ZFHX3: variants seen among roughly 807,000 people sequenced by gnomAD.
ZFHX3 encodes the protein zinc finger homeobox 3.
In ZFHX3, 42 loss-of-function variants were observed where a neutral mutation model predicts 279.1. The ratio of observed to expected loss-of-function variants is 0.15; its 90% CI spans 0.12 to 0.19. The LOEUF is 0.19. ZFHX3 is among the 10% of genes least tolerant of loss of function. The pLI, the probability that ZFHX3 is intolerant of heterozygous loss-of-function variation, is 1.00. For synonymous variants in ZFHX3, 2,293 were observed against 1,957.8 expected (o/e 1.17, Z -4.52); for missense variants, 4,981 against 4,754.0 (o/e 1.05, Z -1.40).
At chr16:73,121,309 T>A (rs1966495963) in intron 7 of ZFHX3, among the ~76,000 whole-genome samples, 1 of 152,238 alleles carries the variant, frequency 6.6e-6, no homozygotes, top group Non-Finnish European at 1.5e-5. Context: ...TCATTAATAA[T>A]TTTTACATTG....
chr16:73,867,882 C>T (rs1962068612), intron 1 of ZFHX3, among the ~76,000 whole-genome samples: 1 of 152,160 alleles, frequency 6.6e-6, no homozygotes, highest in African/African-American at 2.4e-5. Flanking sequence ...GTGATGTCCT[C>T]TCAAAGGACT....
At chr16:73,044,912 T>C (rs1173868284) in intron 1 of ZFHX3, among the ~76,000 whole-genome samples, 1 of 152,196 alleles carries the variant, frequency 6.6e-6, no homozygotes, top group Non-Finnish European at 1.5e-5. Flanking sequence ...TGAGCCACCA[T>C]GCCTGGCCAA....
At chr16:72,801,893 G>C (rs945005430) in intron 7 of ZFHX3, among the ~76,000 whole-genome samples, 1 of 151,714 alleles carries the variant, frequency 6.6e-6, no homozygotes, top group Non-Finnish European at 1.5e-5. Context: ...GGAGCACGAG[G>C]TTGGGGGTAA....
In ZFHX3 at chr16:73,574,999, G is replaced by T. The variant is rs2051784913; in HGVS notation, c.-1547+105181C>A. ...TGTTTAACTTTCAAGCTACCACTTT[G>T]CACTTATCCATATGCTCTTTTAAAT... On this transcript the variant is annotated intron_variant, in intron 2 of 17. Coordinates refer to the ZFHX3 transcript ENST00000641206. Among the ~76,000 whole-genome samples, 5 of 152,232 alleles carry T rather than the reference G, an allele frequency of 3.3e-5. No individual in the cohort carries two copies. The South Asian group carries it at 1.0e-3, about 32-fold the overall frequency.
chr16:73,059,523 T>C (rs1028536772), exon 1 of ZFHX3: 1 of 111,158 alleles, frequency 9.0e-6, no homozygotes, highest in African/African-American at 3.8e-5. Context: ...TATTTTCCCC[T>C]TTCTCTCTCT....
intron 1 of ZFHX3, among the ~76,000 whole-genome samples, chr16:73,732,364 A>T (rs2053576304): frequency 1.3e-5 from 2 of 152,216 alleles, no homozygotes; most frequent in South Asian, 4.1e-4. Context: ...GAGTTCAGCA[A>T]ATCTGCTTTG....
At chr16:73,156,548 T>C (rs1381222235) in intron 5 of ZFHX3, among the ~76,000 whole-genome samples, 3 of 152,022 alleles carry the variant, frequency 2.0e-5, no homozygotes, top group Non-Finnish European at 2.9e-5. Context: ...GTATAAGAGA[T>C]GTTTCTTTTA....
At chr16:73,721,308 G>A (rs1220902836) in intron 1 of ZFHX3, among the ~76,000 whole-genome samples, 2 of 152,104 alleles carry the variant, frequency 1.3e-5, no homozygotes, top group South Asian at 4.1e-4. Context: ...TTTTAGTAGA[G>A]ATGGGGTTTT....
chr16:73,501,956 TA>T (rs1328157650), intron 2 of ZFHX3, among the ~76,000 whole-genome samples: 1 of 151,972 alleles, frequency 6.6e-6, no homozygotes, highest in Non-Finnish European at 1.5e-5. Flanking sequence ...AGAGGATTTT[TA>T]TTTTTTTTAA....
At chr16:73,329,086 C>T (rs1215550109) in intron 3 of ZFHX3, among the ~76,000 whole-genome samples, 3 of 152,202 alleles carry the variant, frequency 2.0e-5, no homozygotes, top group African/African-American at 2.4e-5. Flanking sequence ...CAAAATCAGC[C>T]TCATTGGTAG....
chr16:73,151,937 G>GA (rs1966953970), intron 5 of ZFHX3, among the ~76,000 whole-genome samples: 1 of 92,870 alleles, frequency 1.1e-5, no homozygotes, highest in Non-Finnish European at 2.1e-5. Flanking sequence ...CACCCACACA[G>GA]AAAAAAACAG....
chr16:73,588,425 G>A (rs1214117883), intron 2 of ZFHX3, among the ~76,000 whole-genome samples: 1 of 152,064 alleles, frequency 6.6e-6, no homozygotes, highest in East Asian at 1.9e-4. Context: ...GGTGGCTCAC[G>A]CCTGTAGTCC....
At chr16:72,969,509 C>T (rs939237617) in intron 1 of ZFHX3, among the ~76,000 whole-genome samples, 4 of 151,704 alleles carry the variant, frequency 2.6e-5, no homozygotes, top group African/African-American at 4.8e-5. Context: ...AGGGCAGCCC[C>T]CAGAGAAAAG....
chr16:73,273,568 C>A (rs1277637176), intron 4 of ZFHX3, among the ~76,000 whole-genome samples: 2 of 152,170 alleles, frequency 1.3e-5, no homozygotes, highest in Admixed American at 6.5e-5. Context: ...TCATACTGAA[C>A]CACACTCTTC....
chr16:72,946,623 C>T (rs1470566947), intron 3 of ZFHX3, among the ~76,000 whole-genome samples: 2 of 152,158 alleles, frequency 1.3e-5, no homozygotes, highest in Non-Finnish European at 2.9e-5. Context: ...TCACCATGGA[C>T]GTCACTTGGC....
rs537969097 is a variant in ZFHX3, at chr16:73,416,828, C to G, written c.-1291+39175G>C. On this transcript the variant is annotated intron_variant, in intron 3 of 17. Transcript: ENST00000641206. ...GGCGGAGCCTGCAGTGAGCCGAGAT[C>G]GCGCCACTGCACTCCAGCCTGGGCG... is the stretch of plus-strand genomic sequence containing the variant. 2.5e-4 allele frequency among the ~76,000 whole-genome samples: 38 copies of G among 150,700 alleles called. 1 individual carries two copies. Among genetic ancestry groups the G allele is most frequent in the Middle Eastern group, 3.4e-3 (1 of 294 alleles).
At chr16:73,203,521 G>A (rs920051328) in intron 5 of ZFHX3, among the ~76,000 whole-genome samples, 1 of 152,168 alleles carries the variant, frequency 6.6e-6, no homozygotes, top group Admixed American at 6.5e-5. Flanking sequence ...TTCCTAGTGG[G>A]TGCATATTTG....
intron 1 of ZFHX3, among the ~76,000 whole-genome samples, chr16:73,770,498 T>C (rs182025267): frequency 1.6e-4 from 25 of 152,312 alleles, no homozygotes; most frequent in African/African-American, 5.5e-4. Flanking sequence ...AACACCACAT[T>C]TCTAGGATGG....
At chr16:73,462,129 A>T (rs572752990) in intron 2 of ZFHX3, among the ~76,000 whole-genome samples, 4 of 152,176 alleles carry the variant, frequency 2.6e-5, no homozygotes, top group Admixed American at 2.6e-4. Context: ...ATGGTACATG[A>T]TGTATTTTTA....
Sources: allele counts gnomAD v4.1 joint callset (sites outside exome capture counted in the v4.1 genomes callset), GRCh38; gene constraint gnomAD v4.1.1; transcripts MANE v1.5; gene names NCBI Gene and HGNC (gene_info 2026-07-23, HGNC 2026-07-21).